Variants in GALNT16 observed in about 807,000 individuals in gnomAD.
GALNT16 encodes polypeptide N-acetylgalactosaminyltransferase 16.
A neutral mutation model predicts 76.1 loss-of-function variants in GALNT16; 40 were observed. The ratio of observed to expected loss-of-function variants is 0.53; its 90% confidence interval spans 0.41 to 0.68. GALNT16 has a LOEUF of 0.68. Among genes scored for constraint, GALNT16 ranks in the 30% least tolerant of loss-of-function variants. The pLI is 0.00. For synonymous variants in GALNT16, 276 were observed against 285.2 expected (o/e 0.97, Z 0.32); for missense variants, 621 against 731.9 (o/e 0.85, Z 1.75).
intron 14 of GALNT16, 38 bp downstream of exon 14, chr14:69,348,040 C>T (rs756203868): frequency 6.2e-6 from 10 of 1,610,562 alleles, no homozygotes; most frequent in Non-Finnish European, 8.5e-6. Context: ...GCCCAGCAGC[C>T]CGAGGGGCCA....
chr14:69,321,368 C>T (rs534531791), intron 2 of GALNT16, among the ~76,000 whole-genome samples: 1 of 152,272 alleles, frequency 6.6e-6, no homozygotes, highest in African/African-American at 2.4e-5. Context: ...AGGCCTTAGA[C>T]CAGGACCAAG....
chr14:69,280,530 G>A (rs899578450), intron 1 of GALNT16, among the ~76,000 whole-genome samples: 1 of 152,290 alleles, frequency 6.6e-6, no homozygotes. Context: ...TGTGCAAGAC[G>A]CTGCTTTCTG....
intron 1 of GALNT16, among the ~76,000 whole-genome samples, chr14:69,304,780 T>C (rs1483190879): frequency 1.3e-5 from 2 of 152,240 alleles, no homozygotes; most frequent in Non-Finnish European, 2.9e-5. Flanking sequence ...GGTTCATCTG[T>C]GTTGTTGCAA....
chr14:69,339,407 G>A (rs2045455729), intron 10 of GALNT16, 120 bp from the exon 11 acceptor site: 1 of 729,412 alleles, frequency 1.4e-6, no homozygotes, highest in Admixed American at 2.0e-5. Flanking sequence ...TACCATCCAA[G>A]TATCACCTTG....
rs2045382930 is a variant in GALNT16, at chr14:69,333,547, A to G, written c.914A>G (p.Asn305Ser). Residue 305 changes from asparagine (N) to serine (S), a missense_variant, in exon 9 of 15, where the codon AAC becomes AGC. Coordinates refer to ENST00000448469, the MANE Select transcript of GALNT16 (RefSeq NM_001168368.2). This position sits in a 1 kb window ranked among gnomAD's most constrained non-coding sequence, Gnocchi z 4.2. ...GIFVIDKSWF[N>S]HLGKYDAQMD... ...TTCGTGATCGACAAGTCCTGGTTTA[A>G]CCACTTGGGAAAGTATGATGCCCAG... 1.2e-6 allele frequency: 2 copies of G among 1,609,858 alleles called. No individual in the cohort carries two copies. Among genetic ancestry groups the G allele is most frequent in the African/African-American group, 2.7e-5 (2 of 74,718 alleles).
chr14:69,341,840 C>T, intron 12 of GALNT16, 76 bp downstream of exon 12: 1 of 891,106 alleles, frequency 1.1e-6, no homozygotes, highest in Non-Finnish European at 1.8e-6. Flanking sequence ...GGTCCCACCC[C>T]ACCCTTAGAT....
At chr14:69,300,896 G>C (rs555009811) in intron 1 of GALNT16, among the ~76,000 whole-genome samples, 1 of 152,196 alleles carries the variant, frequency 6.6e-6, no homozygotes, top group African/African-American at 2.4e-5. Context: ...CTTCCTGTCC[G>C]TGGAGCCCTC....
intron 1 of GALNT16, 72 bp downstream of exon 1, chr14:69,260,539 G>A (rs1386646207): frequency 1.8e-6 from 2 of 1,109,622 alleles, no homozygotes; most frequent in East Asian, 3.5e-5. Context: ...CGCGGCGGCC[G>A]AGGGCGCGGG....
intron 1 of GALNT16, among the ~76,000 whole-genome samples, chr14:69,266,981 G>A (rs967397233): frequency 1.3e-5 from 2 of 152,210 alleles, no homozygotes; most frequent in African/African-American, 4.8e-5. Flanking sequence ...TCCCAAGACC[G>A]AGGCCTGCAT....
chr14:69,325,921 C>T (rs1411107275), intron 4 of GALNT16, 41 bp from the exon 5 acceptor site: 21 of 1,525,760 alleles, frequency 1.4e-5, no homozygotes, highest in Non-Finnish European at 1.9e-5. Flanking sequence ...TGGCCTGATG[C>T]CCATGTCTAA....
the GALNT16 span, among the ~76,000 whole-genome samples, chr14:69,364,986 G>C: frequency 6.6e-6 from 1 of 152,182 alleles, no homozygotes; most frequent in African/African-American, 2.4e-5. This position sits in a 1 kb window ranked among gnomAD's most constrained non-coding sequence, Gnocchi z 4.2. Flanking sequence ...GATGTTGTGT[G>C]AGTCTCTCAA....
intron 1 of GALNT16, among the ~76,000 whole-genome samples, chr14:69,285,452 G>C (rs960749731): frequency 9.9e-5 from 15 of 151,414 alleles, no homozygotes; most frequent in Non-Finnish European, 1.9e-4. Flanking sequence ...GTCATGTGTG[G>C]TTTTCTCATC....
chr14:69,291,919 G>A (rs920329992), intron 1 of GALNT16, among the ~76,000 whole-genome samples: 1 of 152,194 alleles, frequency 6.6e-6, no homozygotes, highest in African/African-American at 2.4e-5. Context: ...ACTATAGTAG[G>A]CACCCGAAGT....
intron 12 of GALNT16, among the ~76,000 whole-genome samples, chr14:69,344,848 G>T (rs1433347263): frequency 6.6e-6 from 1 of 152,232 alleles, no homozygotes; most frequent in Non-Finnish European, 1.5e-5. Flanking sequence ...TCTCTATAGA[G>T]AAGGGAAATG....
chr14:69,384,311 C>A, the GALNT16 span, among the ~76,000 whole-genome samples: 1 of 152,188 alleles, frequency 6.6e-6, no homozygotes, highest in Non-Finnish European at 1.5e-5. Flanking sequence ...AGCACTTGAT[C>A]CTCACAAGGA....
chr14:69,272,530 G>A (rs952640559), intron 1 of GALNT16, among the ~76,000 whole-genome samples: 7 of 152,140 alleles, frequency 4.6e-5, no homozygotes, highest in Non-Finnish European at 1.0e-4. Context: ...TACTGACCCT[G>A]TAGCCACTGT....
chr14:69,272,322 C>G (rs2044416297), intron 1 of GALNT16, among the ~76,000 whole-genome samples: 1 of 152,104 alleles, frequency 6.6e-6, no homozygotes, highest in African/African-American at 2.4e-5. Flanking sequence ...AAGATCGTGC[C>G]ACTGCACTCC....
At chr14:69,269,810 T>TGTGTGTGTGTGTG (rs556443351) in intron 1 of GALNT16, among the ~76,000 whole-genome samples, 145 of 144,588 alleles carry the variant, frequency 1.0e-3, no homozygotes, top group African/African-American at 3.9e-3. Flanking sequence ...ATTTGTGTGT[T>TGTGTGTGTGTGTG]TGTGTGTGTG....
the GALNT16 span, among the ~76,000 whole-genome samples, chr14:69,367,508 C>T: frequency 1.3e-5 from 2 of 152,000 alleles, no homozygotes; most frequent in Non-Finnish European, 2.9e-5. Flanking sequence ...TGATCTTGGA[C>T]TTACAGCCTG....
Sources: gnomAD v4.1 joint callset for allele counts (sites outside exome capture counted in the v4.1 genomes callset) on GRCh38, gnomAD v4.1.1 for gene constraint, Gnocchi (gnomAD v3.1) non-coding constraint, MANE v1.5 for transcripts, NCBI Gene and HGNC (gene_info 2026-07-23, HGNC 2026-07-21) for gene names.